Variants in CFAP251 observed in about 807,000 individuals in gnomAD.
CFAP251 encodes cilia- and flagella-associated protein 251.
A neutral mutation model predicts 126.7 loss-of-function variants in CFAP251; 93 were observed. The ratio of observed to expected loss-of-function variants is 0.73; its 90% CI spans 0.62 to 0.87. The LOEUF (loss-of-function observed/expected upper bound fraction) is 0.87, where lower values mean the gene tolerates loss of function less well. Among genes scored for constraint, CFAP251 ranks in the 40% least tolerant of loss-of-function variants. The pLI, the probability that CFAP251 is intolerant of heterozygous loss-of-function variation, is 0.00. For missense variants in CFAP251, 1,287 were observed against 1,389.2 expected, an observed-to-expected ratio of 0.93 and a Z score of 1.17; for synonymous variants, 503 against 506.9, an observed-to-expected ratio of 0.99 and a Z score of 0.10.
chr12:121,960,510 G>A lies in CFAP251; in HGVS notation c.2134-75G>A, dbSNP rs544179612. 79 of 1,543,284 alleles carry A rather than the reference G, an allele frequency of 5.1e-5. No individual in the cohort carries two copies. In the East Asian group the frequency reaches 1.5e-3, roughly 29 times the overall value. ...TGGGATTACAGGCGTGAGCCACCGC[G>A]CCTGGCCCATAATGATGATTCTTAA... is the stretch of plus-strand genomic sequence containing the variant. On this transcript the variant is annotated intron_variant, in intron 13 of 21. Transcript: ENST00000288912.
chr12:121,938,705 G>A (rs1220435264), intron 5 of CFAP251, among the ~76,000 whole-genome samples: 4 of 150,318 alleles, frequency 2.7e-5, no homozygotes, highest in Non-Finnish European at 5.9e-5. Context: ...AAACCAGGCC[G>A]GGCATGGTGG....
rs77284117 is a variant in CFAP251, at chr12:121,985,012, A to G, written c.3006+9327A>G. ...TGAATCAATGATGCTCATTGGTCATATTCGACAGCAGAGACAGTGAGGAAG... is the reference window on the plus strand; with the variant it reads ...TGAATCAATGATGCTCATTGGTCATGTTCGACAGCAGAGACAGTGAGGAAG... On this transcript the variant is annotated intron_variant, in intron 19 of 21. Coordinates refer to ENST00000288912, the MANE Select transcript of CFAP251 (RefSeq NM_144668.6). Among the ~76,000 whole-genome samples, 191 of 152,356 alleles carry G rather than the reference A, an allele frequency of 1.3e-3. 5 individuals are homozygous for G. The East Asian group carries it at 0.035, about 28-fold the overall frequency.
intron 10 of CFAP251, 95 bp from the exon 11 acceptor site, chr12:121,956,979 C>A (rs1881747781): frequency 1.0e-6 from 1 of 979,454 alleles, no homozygotes; most frequent in Non-Finnish European, 1.4e-6. Flanking sequence ...TTTTGCAATG[C>A]CCCAGAATCC....
chr12:121,947,730 A>T (rs1881372150), intron 7 of CFAP251: 1 of 152,192 alleles, frequency 6.6e-6, no homozygotes, highest in Admixed American at 6.5e-5. Flanking sequence ...CACTTAGCAG[A>T]GTGGTCAGCT....
chr12:121,938,226 C>T (rs1005619617), intron 5 of CFAP251, among the ~76,000 whole-genome samples: 2 of 151,542 alleles, frequency 1.3e-5, no homozygotes, highest in East Asian at 1.9e-4. Context: ...AAGCTGGTCT[C>T]GAACTCCTAG....
chr12:121,959,051 C>T lies in CFAP251; in HGVS notation c.2090C>T (p.Thr697Ile). ...TTCAAATATTCCAGAACCAGTGTGA[C>T]TCATATAAGCTTTTCCCATGACTCC... ...EPFKYSRTSV[T>I]HISFSHDSQY... The change falls in exon 13 of 22, where the codon ACT becomes ATT. Residue 697 changes from threonine (T) to isoleucine (I), a missense_variant. Physicochemically the swap from Thr to Ile is moderately conservative, Grantham distance 89 (BLOSUM62 -1). Coordinates refer to ENST00000288912, the MANE Select transcript of CFAP251 (RefSeq NM_144668.6). 6.2e-7 allele frequency: 1 copy of T among 1,609,862 alleles called. No homozygotes were observed. Among genetic ancestry groups the T allele is most frequent in the Non-Finnish European group, 8.5e-7 (1 of 1,178,942 alleles).
chr12:121,992,182 C>G, intron 19 of CFAP251: 1 of 984,902 alleles, frequency 1.0e-6, no homozygotes, highest in Non-Finnish European at 1.2e-6. Flanking sequence ...CATCTTCACA[C>G]GGGGGCGTTC....
rs929242423 is a variant in CFAP251 at position 121,958,827 on chromosome 12, G to C, written c.1982-116G>C. 8.6e-6 allele frequency: 11 copies of C among 1,273,792 alleles called. No individual in the cohort carries two copies. The African/African-American group carries it at 1.3e-4, about 16-fold the overall frequency. 78.9% of individuals were successfully genotyped at this position (1,273,792 alleles called of 1,614,324 possible). ...CGTTTCGGTTCATTTCTCCGCACGG[G>C]AGCTTTGTTGTGTTAGTTGCTGTCT... On this transcript the variant is annotated intron_variant, in intron 12 of 21. Transcript: ENST00000288912.
chr12:121,928,700 A>AT lies in CFAP251; in HGVS notation c.748-3045dup, dbSNP rs1271643236. ...TATATATATATATACGTATATATAT[A>AT]TATATTTTTTTTTTGAGACAGGGTC... On this transcript the variant is annotated intron_variant, in intron 3 of 21. Transcript: ENST00000288912. Among the ~76,000 whole-genome samples the AT allele has an allele frequency of 8.2e-3, 353 of 43,040 alleles. 10 individuals carry two copies. Among genetic ancestry groups the AT allele is most frequent in the African/African-American group, 0.033 (312 of 9,420 alleles). 28.2% of individuals were successfully genotyped at this position (43,040 alleles called of 152,430 possible).
At chr12:121,946,920 A>G (rs1382380441) in intron 7 of CFAP251, among the ~76,000 whole-genome samples, 3 of 152,106 alleles carry the variant, frequency 2.0e-5, no homozygotes, top group Non-Finnish European at 4.4e-5. Context: ...GGAAGTGGGT[A>G]TGTTGTTGAT....
intron 17 of CFAP251, chr12:121,968,976 C>A: frequency 1.0e-6 from 1 of 985,366 alleles, no homozygotes; most frequent in Non-Finnish European, 1.2e-6. Context: ...GGCATGCTGC[C>A]GCAGGGCAGA....
intron 19 of CFAP251, among the ~76,000 whole-genome samples, chr12:121,977,424 T>G (rs1341287927): frequency 2.0e-5 from 3 of 151,306 alleles, no homozygotes; most frequent in African/African-American, 7.3e-5. Flanking sequence ...TTTGGGAGGC[T>G]TAGGTGGGTG....
Position 122,003,829 on chromosome 12 carries a change from T to A in CFAP251, c.*65T>A. 1 of 1,247,658 alleles carries A rather than the reference T, an allele frequency of 8.0e-7. No individual in the cohort carries two copies. The highest frequency in any genetic ancestry group is 1.1e-6 in the Non-Finnish European group (1 of 903,810). The allele number at this position is 1,247,658 out of a possible 1,614,324, so 77.3% of individuals were successfully genotyped here. ...TGTGTGCATGCACATGTGTGTGTTT[T>A]CCATGAGGCACTGCTTTTTATGCAT... On this transcript the variant is annotated 3_prime_UTR_variant, in exon 22 of 22. Transcript: ENST00000288912.
chr12:121,975,495 G>T lies in CFAP251; in HGVS notation c.2863-47G>T, dbSNP rs745397056. Reference sequence around the variant, plus strand: ...CCTTGAAGTGTTCATGGATGCTTCAGACTTAAGCCTAAATGTGTGTTGTGT... The same window carrying T: ...CCTTGAAGTGTTCATGGATGCTTCATACTTAAGCCTAAATGTGTGTTGTGT... On this transcript the variant is annotated intron_variant, in intron 18 of 21. Transcript: ENST00000288912. 2.2e-5 allele frequency: 35 copies of T among 1,602,304 alleles called. No homozygotes were observed. In the South Asian group the frequency reaches 3.9e-4, roughly 18 times the overall value.
chr12:121,934,351 C>T lies in CFAP251; in HGVS notation c.993C>T (p.Phe331=), dbSNP rs1352754298. 1.2e-6 allele frequency: 2 copies of T among 1,612,512 alleles called. No individual in the cohort carries two copies. ...PDCLVIIWDS[F]TGIPVHTIFD... is the part of the protein sequence containing the mutation. The stretch of plus-strand genomic sequence containing the variant: ...GCCTGGTGATTATATGGGACTCCTT[C>T]ACAGGGTAGGCTTTGTGTAGCCACT... The change falls in exon 5 of 22, where the codon TTC becomes TTT. Residue 331 remains phenylalanine, a synonymous_variant. Coordinates refer to ENST00000288912, the MANE Select transcript of CFAP251 (RefSeq NM_144668.6).
intron 13 of CFAP251, chr12:121,959,338 G>C (rs1050707980): frequency 5.2e-6 from 2 of 386,358 alleles, no homozygotes; most frequent in Non-Finnish European, 9.2e-6. Context: ...TTATCCAGGA[G>C]GCTGAGGCGG....
At chr12:121,941,481 G>T (rs926665115) in intron 5 of CFAP251, among the ~76,000 whole-genome samples, 1 of 149,670 alleles carries the variant, frequency 6.7e-6, no homozygotes, top group Non-Finnish European at 1.5e-5. Context: ...CCACAGGCAC[G>T]TGCCACCACA....
At chr12:121,984,769 T>C (rs1882705959) in intron 19 of CFAP251, among the ~76,000 whole-genome samples, 1 of 152,240 alleles carries the variant, frequency 6.6e-6, no homozygotes, top group South Asian at 2.1e-4. Flanking sequence ...CTGTCCACGT[T>C]GGGATGGGGC....
At chr12:121,926,521 T>C (rs1880423290) in intron 3 of CFAP251, among the ~76,000 whole-genome samples, 3 of 151,924 alleles carry the variant, frequency 2.0e-5, no homozygotes, top group African/African-American at 7.2e-5. Flanking sequence ...AGAGATGGGG[T>C]CTCACTATGT....
Sources: gnomAD v4.1 joint callset for allele counts (sites outside exome capture counted in the v4.1 genomes callset) on GRCh38, gnomAD v4.1.1 for gene constraint, MANE v1.5 for transcripts, NCBI Gene and HGNC (gene_info 2026-07-23, HGNC 2026-07-21) for gene names.